NOTCH2NLB: variants seen among roughly 807,000 people sequenced by gnomAD.
NOTCH2NLB encodes the protein notch 2 N-terminal like B.
A neutral mutation model predicts 14.8 loss-of-function variants in NOTCH2NLB; 1 was observed. The observed-to-expected ratio is 0.07, with a 90% CI of 0.02 to 0.32. NOTCH2NLB has a LOEUF of 0.32. Ranked by LOEUF, NOTCH2NLB falls within the 10% of genes least tolerant of loss-of-function variation. NOTCH2NLB has a pLI of 1.00. For missense variants in NOTCH2NLB, 11 were observed against 155.0 expected, an observed-to-expected ratio of 0.07 and a Z score of 4.93; for synonymous variants, 6 against 57.5, an observed-to-expected ratio of 0.10 and a Z score of 4.05.
chr1:148,604,950 TACACACACACACACAC>T (rs1186780760), downstream of NOTCH2NLB, among the ~76,000 whole-genome samples: 10 of 126,366 alleles, frequency 7.9e-5, no homozygotes, highest in East Asian at 1.1e-3. Flanking sequence ...CAACGCCATA[TACACACACACACACAC>T]ACACACACAC....
At chr1:148,637,182 C>T (rs1664222750) in intron 2 of NOTCH2NLB, among the ~76,000 whole-genome samples, 1 of 144,926 alleles carries the variant, frequency 6.9e-6, no homozygotes, top group Admixed American at 6.8e-5. Context: ...CATTCTCCTG[C>T]CTCAGCCTCC....
intron 1 of NOTCH2NLB, among the ~76,000 whole-genome samples, chr1:148,645,629 T>C (rs1381292204): frequency 9.5e-5 from 14 of 146,748 alleles, no homozygotes; most frequent in East Asian, 5.8e-4. Flanking sequence ...CATTCCTCCA[T>C]GCATGTCTGT....
chr1:148,673,865 G>A (rs1309900958), intron 1 of NOTCH2NLB, among the ~76,000 whole-genome samples: 2 of 99,126 alleles, frequency 2.0e-5, no homozygotes, highest in African/African-American at 3.3e-5. Flanking sequence ...CTTTCCTAAT[G>A]TAAGAATCAC....
chr1:148,610,365 G>A (rs1663657203), intron 3 of NOTCH2NLB, among the ~76,000 whole-genome samples: 1 of 119,168 alleles, frequency 8.4e-6, no homozygotes, highest in Admixed American at 8.3e-5. Flanking sequence ...AAGAAAGAAA[G>A]AAAGAAAGAG....
the NOTCH2NLB span, among the ~76,000 whole-genome samples, chr1:148,703,513 A>T: frequency 3.8e-5 from 1 of 26,328 alleles, no homozygotes; most frequent in South Asian, 2.0e-3. Context: ...GGCAGGATGA[A>T]AGGGCCTGCT....
chr1:148,670,138 T>TA (rs1224960330), intron 1 of NOTCH2NLB, among the ~76,000 whole-genome samples: 1 of 91,064 alleles, frequency 1.1e-5, no homozygotes, highest in Non-Finnish European at 2.5e-5. Context: ...ACCAAAGGAT[T>TA]AAAAAAAATT....
chr1:148,639,023 A>G, intron 2 of NOTCH2NLB, among the ~76,000 whole-genome samples: 1 of 137,316 alleles, frequency 7.3e-6, no homozygotes, highest in South Asian at 2.4e-4. Context: ...AGAAGAAAAA[A>G]AATTATTTGC....
At chr1:148,626,308 T>A in intron 2 of NOTCH2NLB, among the ~76,000 whole-genome samples, 1 of 102,528 alleles carries the variant, frequency 9.8e-6, no homozygotes, top group Non-Finnish European at 2.0e-5. Context: ...TTCTCTCAAA[T>A]AAAAAGAAAG....
At chr1:148,645,804 C>A (rs1423941998) in intron 1 of NOTCH2NLB, among the ~76,000 whole-genome samples, 2 of 150,868 alleles carry the variant, frequency 1.3e-5, no homozygotes, top group African/African-American at 4.9e-5. Context: ...CTCAATTCAG[C>A]ACTACAGGGT....
At chr1:148,638,641 C>T (rs1297671478) in intron 2 of NOTCH2NLB, among the ~76,000 whole-genome samples, 8 of 149,286 alleles carry the variant, frequency 5.4e-5, no homozygotes, top group Admixed American at 1.3e-4. Context: ...GTTATCTTTA[C>T]TCCAATCCAA....
In NOTCH2NLB at chr1:148,622,318, C is replaced by G. The variant is rs1281911465; in HGVS notation, c.78-6368G>C. On this transcript the variant is annotated intron_variant, in intron 2 of 4. Coordinates refer to ENST00000593495, the Ensembl canonical transcript of NOTCH2NLB. Reference sequence around the variant, plus strand: ...CCAGAAGTTGGAGGTTGCAGTGAGCCAAGATCGCGTCACTGCACTCCAGCC... The same window carrying G: ...CCAGAAGTTGGAGGTTGCAGTGAGCGAAGATCGCGTCACTGCACTCCAGCC... Among the ~76,000 whole-genome samples, 2 of 110,192 alleles carry G rather than the reference C, an allele frequency of 1.8e-5. 1 individual carries two copies. The highest frequency in any genetic ancestry group is 7.8e-4 in the East Asian group (2 of 2,564). The allele number at this position is 110,192 out of a possible 152,430, so 72.3% of individuals were successfully genotyped here. A position where few individuals can be genotyped will look rare whatever the true frequency, so the allele number is the denominator to read the frequency against.
At chr1:148,651,162 A>AAAAAATATATAT (rs1553341433) in intron 1 of NOTCH2NLB, among the ~76,000 whole-genome samples, 3 of 46,026 alleles carry the variant, frequency 6.5e-5, no homozygotes, top group Admixed American at 5.4e-4. Flanking sequence ...AAAAAAAAAA[A>AAAAAATATATAT]ATATATATAT....
At chr1:148,651,162 A>AATAT (rs1218372509) in intron 1 of NOTCH2NLB, among the ~76,000 whole-genome samples, 96 of 45,914 alleles carry the variant, frequency 2.1e-3, no homozygotes, top group Non-Finnish European at 2.8e-3. Flanking sequence ...AAAAAAAAAA[A>AATAT]ATATATATAT....
At chr1:148,679,829 C>T, upstream of NOTCH2NLB, 1 of 239,988 alleles carries the variant, frequency 4.2e-6, no homozygotes, top group African/African-American at 2.8e-5. Context: ...CCCCGCCCCA[C>T]TGTCGCCGCG....
intron 1 of NOTCH2NLB, among the ~76,000 whole-genome samples, chr1:148,651,162 A>AAAATATATAT (rs1553341433): frequency 1.5e-4 from 7 of 46,022 alleles, no homozygotes; most frequent in South Asian, 7.7e-4. Flanking sequence ...AAAAAAAAAA[A>AAAATATATAT]ATATATATAT....
intron 1 of NOTCH2NLB, among the ~76,000 whole-genome samples, chr1:148,661,875 GA>G (rs1313282318): frequency 1.6e-5 from 2 of 123,058 alleles, no homozygotes; most frequent in East Asian, 4.4e-4. Flanking sequence ...ACAACTGAAA[GA>G]AAGTTTGTTA....
chr1:148,637,195 A>C (rs1664223186), intron 2 of NOTCH2NLB, among the ~76,000 whole-genome samples: 1 of 144,764 alleles, frequency 6.9e-6, no homozygotes, highest in Admixed American at 6.8e-5. Flanking sequence ...CAGCCTCCTG[A>C]GTAACTGGGA....
At chr1:148,661,373 C>T (rs1361252506) in intron 1 of NOTCH2NLB, among the ~76,000 whole-genome samples, 1 of 150,282 alleles carries the variant, frequency 6.7e-6, no homozygotes, top group Non-Finnish European at 1.5e-5. Context: ...CGCACACACA[C>T]ACAGAGTTAA....
At chr1:148,624,065 T>G (rs1287486649) in intron 2 of NOTCH2NLB, among the ~76,000 whole-genome samples, 2 of 73,904 alleles carry the variant, frequency 2.7e-5, no homozygotes, top group Admixed American at 2.4e-4. Context: ...CCTTGTTTCC[T>G]AAGGCAGGAG....
Sources: gnomAD v4.1 joint callset for allele counts (sites outside exome capture counted in the v4.1 genomes callset) on GRCh38, gnomAD v4.1.1 for gene constraint, MANE v1.5 for transcripts, NCBI Gene and HGNC (gene_info 2026-07-23, HGNC 2026-07-21) for gene names.